The following ARMC8 variants were observed in gnomAD, a reference collection of about 807,000 sequenced individuals.
ARMC8 encodes the protein armadillo repeat-containing protein 8.
ARMC8 carries 20 observed loss-of-function variants against 99.3 expected under a neutral mutation model. That is an observed-to-expected ratio of 0.20 (90% CI 0.14 to 0.29). ARMC8 has a LOEUF of 0.29. Ranked by LOEUF, ARMC8 falls within the 10% of genes least tolerant of loss-of-function variation. The pLI is 1.00. For missense variants in ARMC8, 569 were observed against 809.5 expected, an observed-to-expected ratio of 0.70 and a Z score of 3.60; for synonymous variants, 263 against 278.3, an observed-to-expected ratio of 0.95 and a Z score of 0.55.
intron 5 of ARMC8, among the ~76,000 whole-genome samples, chr3:138,226,842 A>G (rs1049812707): frequency 1.3e-5 from 2 of 152,186 alleles, no homozygotes; most frequent in African/African-American, 4.8e-5. Context: ...TACATGAGAA[A>G]ATTGAGACCC....
chr3:138,198,193 CA>C (rs969294840), intron 1 of ARMC8, among the ~76,000 whole-genome samples: 6 of 145,918 alleles, frequency 4.1e-5, no homozygotes, highest in South Asian at 2.2e-4. Flanking sequence ...GCCAAACAAA[CA>C]AAAAAAAAAC....
intron 1 of ARMC8, among the ~76,000 whole-genome samples, chr3:138,197,195 A>G (rs1214226517): frequency 6.6e-6 from 1 of 152,184 alleles, no homozygotes; most frequent in African/African-American, 2.4e-5. Flanking sequence ...ACAGGCCACA[A>G]TGTGGGTGAC....
At chr3:138,265,685 A>G (rs1213279404) in intron 14 of ARMC8, among the ~76,000 whole-genome samples, 1 of 152,214 alleles carries the variant, frequency 6.6e-6, no homozygotes, top group African/African-American at 2.4e-5. Flanking sequence ...TATGTATGGT[A>G]TGTGTAGGGA....
intron 20 of ARMC8, among the ~76,000 whole-genome samples, 164 bp from the exon 21 acceptor site, chr3:138,290,382 T>C (rs1373533630): frequency 6.6e-6 from 1 of 151,598 alleles, no homozygotes; most frequent in Non-Finnish European, 1.5e-5. Flanking sequence ...TGTCAGAGAG[T>C]CCAAGCATGA....
At chr3:138,224,687 T>C (rs2108089199) in intron 5 of ARMC8, among the ~76,000 whole-genome samples, 1 of 152,264 alleles carries the variant, frequency 6.6e-6, no homozygotes, top group Non-Finnish European at 1.5e-5. Flanking sequence ...GGAGGAGACG[T>C]TGCAGTGATC....
intron 12 of ARMC8, among the ~76,000 whole-genome samples, chr3:138,257,007 T>G (rs1015877696): frequency 6.6e-6 from 1 of 152,216 alleles, no homozygotes; most frequent in African/African-American, 2.4e-5. Flanking sequence ...ACTGGACCAG[T>G]GACTTAATCT....
chr3:138,205,016 C>T (rs1323039456), intron 1 of ARMC8, among the ~76,000 whole-genome samples: 1 of 150,796 alleles, frequency 6.6e-6, no homozygotes, highest in Non-Finnish European at 1.5e-5. Flanking sequence ...CTACAGTCTT[C>T]CTCATCTCAT....
At chr3:138,203,186 A>G (rs1480879374) in intron 1 of ARMC8, among the ~76,000 whole-genome samples, 2 of 152,226 alleles carry the variant, frequency 1.3e-5, no homozygotes, top group African/African-American at 2.4e-5. Flanking sequence ...TATTTTATGC[A>G]TATTATTCTG....
intron 1 of ARMC8, among the ~76,000 whole-genome samples, chr3:138,198,509 T>G (rs1200079412): frequency 6.7e-6 from 1 of 150,266 alleles, no homozygotes; most frequent in Non-Finnish European, 1.5e-5. Context: ...ATTATTATTA[T>G]TATTATTATT....
At chr3:138,211,127 A>G (rs1364677952) in intron 2 of ARMC8, among the ~76,000 whole-genome samples, 2 of 152,174 alleles carry the variant, frequency 1.3e-5, no homozygotes, top group Admixed American at 6.6e-5. Flanking sequence ...TATTAAATAA[A>G]TCAGTTTGGG....
intron 12 of ARMC8, among the ~76,000 whole-genome samples, chr3:138,257,310 G>A (rs1411239836): frequency 6.6e-6 from 1 of 152,144 alleles, no homozygotes; most frequent in Non-Finnish European, 1.5e-5. Flanking sequence ...TTTTAATAAA[G>A]GAGAAATGGT....
chr3:138,256,443 T>A (rs983009697), intron 12 of ARMC8, among the ~76,000 whole-genome samples: 24 of 136,626 alleles, frequency 1.8e-4, no homozygotes, highest in African/African-American at 6.4e-4. Context: ...GGAGTCTCGC[T>A]CTTTTCGCCC....
At chr3:138,257,382 C>T (rs957249718) in intron 12 of ARMC8, among the ~76,000 whole-genome samples, 1 of 152,104 alleles carries the variant, frequency 6.6e-6, no homozygotes, top group Admixed American at 6.5e-5. Flanking sequence ...ATGTATATGG[C>T]ATCATGTCTT....
chr3:138,197,374 G>A (rs1278746054), intron 1 of ARMC8, among the ~76,000 whole-genome samples: 1 of 152,164 alleles, frequency 6.6e-6, no homozygotes, highest in African/African-American at 2.4e-5. Context: ...TCAGGAAGGC[G>A]CCTGGCCTGT....
intron 2 of ARMC8, among the ~76,000 whole-genome samples, chr3:138,210,628 A>C (rs983976143): frequency 3.3e-5 from 5 of 152,178 alleles, no homozygotes; most frequent in Non-Finnish European, 5.9e-5. Context: ...GAAGAAAGAC[A>C]CAAAAAAGGG....
chr3:138,211,283 T>C lies in ARMC8; in HGVS notation c.122+1390T>C, dbSNP rs551096487. Among the ~76,000 whole-genome samples the C allele has an allele frequency of 5.3e-5, 8 of 152,310 alleles. No individual in the cohort carries two copies. The East Asian group carries it at 1.5e-3, about 29-fold the overall frequency. On this transcript the variant is annotated intron_variant, in intron 2 of 21. Coordinates refer to ENST00000469044, the MANE Select transcript of ARMC8 (RefSeq NM_001363941.2). ...AAATTACTCAATAAATGGTTGAGAA[T>C]GTTAGACTTATTAAGTGTTCAATAA...
intron 10 of ARMC8, among the ~76,000 whole-genome samples, chr3:138,241,169 T>C (rs2046599486): frequency 6.6e-6 from 1 of 152,236 alleles, no homozygotes; most frequent in Non-Finnish European, 1.5e-5. Flanking sequence ...ATTGGACTCA[T>C]GGATACCACT....
At chr3:138,264,625 G>T (rs892786499) in intron 14 of ARMC8, among the ~76,000 whole-genome samples, 1 of 151,202 alleles carries the variant, frequency 6.6e-6, no homozygotes. Flanking sequence ...TCACCATATT[G>T]GTCAGGCTGG....
intron 5 of ARMC8, among the ~76,000 whole-genome samples, chr3:138,226,836 T>C (rs2045723297): frequency 6.6e-6 from 1 of 152,220 alleles, no homozygotes; most frequent in Admixed American, 6.5e-5. Context: ...CTGTTTTACA[T>C]GAGAAAATTG....
Sources: gnomAD v4.1 joint callset for allele counts (sites outside exome capture counted in the v4.1 genomes callset) on GRCh38, gnomAD v4.1.1 for gene constraint, MANE v1.5 for transcripts, NCBI Gene and HGNC (gene_info 2026-07-23, HGNC 2026-07-21) for gene names.